MACROD2: variants seen among roughly 807,000 people sequenced by gnomAD.
MACROD2 encodes the protein ADP-ribose glycohydrolase MACROD2.
A neutral mutation model predicts 70.4 loss-of-function variants in MACROD2; 36 were observed. The ratio of observed to expected loss-of-function variants is 0.51; its 90% confidence interval spans 0.39 to 0.68. The LOEUF (loss-of-function observed/expected upper bound fraction) is 0.68. Among genes scored for constraint, MACROD2 ranks in the 30% least tolerant of loss-of-function variants. The pLI is 0.00. For synonymous variants in MACROD2, 172 were observed against 178.8 expected, an observed-to-expected ratio of 0.96 and a Z score of 0.30; for missense variants, 496 against 538.4, an observed-to-expected ratio of 0.92 and a Z score of 0.78.
At chr20:14,558,754 T>C (rs552420663) in intron 4 of MACROD2, among the ~76,000 whole-genome samples, 2 of 151,888 alleles carry the variant, frequency 1.3e-5, no homozygotes, top group Non-Finnish European at 3.0e-5. Context: ...TAATAGTCTT[T>C]AATTATGGCA....
At chr20:15,800,599 G>A (rs531059891) in intron 8 of MACROD2, among the ~76,000 whole-genome samples, 6 of 152,198 alleles carry the variant, frequency 3.9e-5, no homozygotes, top group South Asian at 4.1e-4. Flanking sequence ...GAGCCACCCC[G>A]TCCGGGAGGT....
intron 3 of MACROD2, among the ~76,000 whole-genome samples, chr20:14,255,542 G>A (rs1212676955): frequency 1.3e-5 from 2 of 151,786 alleles, no homozygotes; most frequent in African/African-American, 4.8e-5. Context: ...TTGTGGGGTG[G>A]GGGCAGGGGG....
chr20:15,088,533 A>T (rs2075770325), intron 5 of MACROD2, among the ~76,000 whole-genome samples: 1 of 149,898 alleles, frequency 6.7e-6, no homozygotes, highest in Non-Finnish European at 1.5e-5. Context: ...ATTGTGAAAA[A>T]ATTAACTGCT....
chr20:15,718,231 C>T (rs2050734716), intron 8 of MACROD2, among the ~76,000 whole-genome samples: 1 of 151,966 alleles, frequency 6.6e-6, no homozygotes, highest in Non-Finnish European at 1.5e-5. Context: ...TCAGGTGATC[C>T]ACCAGCCTCA....
chr20:15,259,502 T>C (rs1295672235), intron 6 of MACROD2, among the ~76,000 whole-genome samples: 1 of 152,026 alleles, frequency 6.6e-6, no homozygotes, highest in Admixed American at 6.6e-5. Context: ...GCTGCATTTG[T>C]TGTGGTGATG....
chr20:15,049,713 C>T (rs777860267), intron 5 of MACROD2, among the ~76,000 whole-genome samples: 35 of 152,076 alleles, frequency 2.3e-4, no homozygotes, highest in Admixed American at 1.7e-3. Flanking sequence ...TTTGGGAGGC[C>T]GAGGCAGGCA....
intron 12 of MACROD2, among the ~76,000 whole-genome samples, chr20:15,965,419 A>G (rs1046562212): frequency 1.3e-5 from 2 of 152,130 alleles, no homozygotes; most frequent in African/African-American, 4.8e-5. Flanking sequence ...CATTGAGGAG[A>G]CGTTTCTTAT....
At chr20:14,508,384 A>G (rs2084992542) in intron 4 of MACROD2, among the ~76,000 whole-genome samples, 1 of 151,720 alleles carries the variant, frequency 6.6e-6, no homozygotes, top group South Asian at 2.1e-4. Flanking sequence ...TCAAATTGTT[A>G]TTTGACCACT....
At chr20:15,442,966 A>G (rs2046515505) in intron 7 of MACROD2, among the ~76,000 whole-genome samples, 1 of 152,160 alleles carries the variant, frequency 6.6e-6, no homozygotes, top group Non-Finnish European at 1.5e-5. Context: ...CAGACACTAT[A>G]TTTAGATATT....
At chr20:14,681,510 T>C (rs1342247880) in intron 4 of MACROD2, among the ~76,000 whole-genome samples, 1 of 152,180 alleles carries the variant, frequency 6.6e-6, no homozygotes, top group African/African-American at 2.4e-5. Flanking sequence ...TCTATCTTTA[T>C]ATAAAGTTTG....
At chr20:15,860,367 T>C (rs1039884904) in intron 8 of MACROD2, among the ~76,000 whole-genome samples, 1 of 152,190 alleles carries the variant, frequency 6.6e-6, no homozygotes, top group Non-Finnish European at 1.5e-5. Flanking sequence ...AGCCAAATTT[T>C]CTTGTTTTGA....
chr20:14,966,927 A>C (rs2122784706), intron 5 of MACROD2, among the ~76,000 whole-genome samples: 1 of 152,186 alleles, frequency 6.6e-6, no homozygotes, highest in Middle Eastern at 3.4e-3. Flanking sequence ...CTGTCTTTTC[A>C]TGAGCAATTA....
In MACROD2 at chr20:15,081,543, A is replaced by G. The variant is rs576540291; in HGVS notation, c.419-148397A>G. Reference sequence around the variant, plus strand: ...CTGATGAAGTGTTAGACCACAGTTAATTGTATAAATCTGGGTCCATGCCCA... The same window carrying G: ...CTGATGAAGTGTTAGACCACAGTTAGTTGTATAAATCTGGGTCCATGCCCA... On this transcript the variant is annotated intron_variant, in intron 5 of 17. Transcript: ENST00000684519. Among the ~76,000 whole-genome samples the G allele has an allele frequency of 2.6e-5, 4 of 152,278 alleles. No homozygotes were observed. The South Asian group carries it at 6.2e-4, about 24-fold the overall frequency.
At chr20:14,916,857 C>T (rs1405636529) in intron 5 of MACROD2, among the ~76,000 whole-genome samples, 14 of 151,952 alleles carry the variant, frequency 9.2e-5, no homozygotes, top group Non-Finnish European at 1.9e-4. Context: ...TGAACCTCAG[C>T]GGAGAATGGA....
chr20:15,996,528 T>C (rs1490458552), intron 15 of MACROD2, among the ~76,000 whole-genome samples: 2 of 152,156 alleles, frequency 1.3e-5, no homozygotes, highest in Non-Finnish European at 2.9e-5. Context: ...CTTCATTGAT[T>C]TTTGGTTTAA....
chr20:15,386,560 C>T (rs975034627), intron 6 of MACROD2, among the ~76,000 whole-genome samples: 20 of 152,142 alleles, frequency 1.3e-4, no homozygotes, highest in Non-Finnish European at 2.5e-4. Flanking sequence ...AGTCAGTGAG[C>T]GATGCTGAAT....
chr20:14,001,372 A>G (rs191376233), intron 1 of MACROD2, among the ~76,000 whole-genome samples: 3 of 152,042 alleles, frequency 2.0e-5, no homozygotes, highest in Non-Finnish European at 4.4e-5. Flanking sequence ...AAATATTTTC[A>G]TTTTATCGTC....
intron 2 of MACROD2, among the ~76,000 whole-genome samples, chr20:14,049,194 A>AAAAAAAAAAC: frequency 6.6e-6 from 1 of 151,594 alleles, no homozygotes; most frequent in African/African-American, 2.4e-5. Flanking sequence ...AAAAAACAAA[A>AAAAAAAAAAC]AAACAAAAAA....
At chr20:15,378,854 G>A (rs2045602284) in intron 6 of MACROD2, among the ~76,000 whole-genome samples, 3 of 152,176 alleles carry the variant, frequency 2.0e-5, no homozygotes. Flanking sequence ...CCAGTACTCA[G>A]AGGAGAGAAT....
Sources: allele counts gnomAD v4.1 joint callset (sites outside exome capture counted in the v4.1 genomes callset), GRCh38; gene constraint gnomAD v4.1.1; transcripts MANE v1.5; gene names NCBI Gene and HGNC (gene_info 2026-07-23, HGNC 2026-07-21).